CSMD1: variants seen among roughly 807,000 people sequenced by gnomAD.
The protein encoded by CSMD1 is CUB and Sushi multiple domains 1, also known as CUB and sushi domain-containing protein 1.
A neutral mutation model predicts 417.5 loss-of-function variants in CSMD1; 213 were observed. The observed-to-expected ratio is 0.51, with a 90% confidence interval of 0.46 to 0.57. CSMD1 has a LOEUF of 0.57. Ranked by LOEUF, CSMD1 falls within the 20% of genes least tolerant of loss-of-function variation. The pLI, the probability that CSMD1 is intolerant of heterozygous loss-of-function variation, is 0.00. For synonymous variants in CSMD1, 2,862 were observed against 1,736.8 expected (o/e 1.65, Z -16.11); for missense variants, 6,923 against 4,529.7 (o/e 1.53, Z -15.17).
intron 2 of CSMD1, among the ~76,000 whole-genome samples, chr8:4,490,312 T>G (rs928018728): frequency 2.6e-5 from 4 of 152,194 alleles, no homozygotes; most frequent in African/African-American, 9.7e-5. Flanking sequence ...AGTGCTGGGA[T>G]TACAGGCATG....
rs1814595431 is a variant in CSMD1 at position 3,087,208 on chromosome 8, C to T, written c.7363G>A (p.Val2455Met). 1 of 1,613,982 alleles carries T rather than the reference C, an allele frequency of 6.2e-7. No homozygotes were observed. The highest frequency in any genetic ancestry group is 8.5e-7 in the Non-Finnish European group (1 of 1,179,884). Residue 2455 changes from valine to methionine, a missense_variant, in exon 49 of 70, where the codon GTG (valine) becomes ATG (methionine). Val to Met is a conservative substitution (Grantham distance 21). Transcript: ENST00000635120. Reference sequence around the variant, plus strand: ...TATCCAGGCTTGCAAAAATAATGCACTTTGCTTCCAACCGCTCCTGCAGTC... The same window carrying T: ...TATCCAGGCTTGCAAAAATAATGCATTTTGCTTCCAACCGCTCCTGCAGTC... ...NRTAGAVGSK[V>M]HYFCKPGYRM... is the part of the protein sequence containing the mutation.
chr8:4,870,450 C>A (rs989769731), intron 1 of CSMD1, among the ~76,000 whole-genome samples: 1 of 152,138 alleles, frequency 6.6e-6, no homozygotes, highest in East Asian at 1.9e-4. Flanking sequence ...CTTGAATGCA[C>A]TGAAATGTAT....
chr8:4,844,315 C>T (rs1205571100), intron 1 of CSMD1, among the ~76,000 whole-genome samples: 2 of 152,044 alleles, frequency 1.3e-5, no homozygotes, highest in Admixed American at 1.3e-4. Flanking sequence ...GTAGATAGTG[C>T]CGTTATTGAT....
chr8:3,006,533 C>T (rs1255337017), intron 52 of CSMD1, among the ~76,000 whole-genome samples: 2 of 152,048 alleles, frequency 1.3e-5, no homozygotes, highest in Admixed American at 6.6e-5. Flanking sequence ...TACTACAAGG[C>T]TACAGTAACC....
intron 12 of CSMD1, among the ~76,000 whole-genome samples, chr8:3,413,073 G>C (rs139516116): frequency 6.6e-6 from 1 of 152,246 alleles, no homozygotes; most frequent in East Asian, 1.9e-4. Flanking sequence ...CACATTATGA[G>C]CTTCCTACTT....
intron 41 of CSMD1, among the ~76,000 whole-genome samples, chr8:3,141,935 C>T (rs952693299): frequency 5.9e-5 from 9 of 151,696 alleles, no homozygotes; most frequent in Admixed American, 2.6e-4. Flanking sequence ...GTAGCTGGGA[C>T]TACAGGCGCC....
At chr8:4,344,307 T>C (rs1445104052) in intron 3 of CSMD1, among the ~76,000 whole-genome samples, 5 of 152,132 alleles carry the variant, frequency 3.3e-5, no homozygotes, top group South Asian at 4.1e-4. Flanking sequence ...TAACAAAACA[T>C]TTCAGACGTG....
intron 50 of CSMD1, among the ~76,000 whole-genome samples, chr8:3,033,602 G>T (rs1382352135): frequency 6.6e-6 from 1 of 151,786 alleles, no homozygotes; most frequent in Non-Finnish European, 1.5e-5. Context: ...CCTGTCGGGA[G>T]GTAAGGGACA....
At chr8:4,059,571 G>C (rs9773675) in intron 3 of CSMD1, among the ~76,000 whole-genome samples, 16,177 of 125,614 alleles carry the variant, frequency 0.13, 785 homozygotes, top group Admixed American at 0.23. Flanking sequence ...AAAAAAGAGA[G>C]AAGAATCAAA....
At chr8:2,998,993 A>G (rs1807155479) in intron 53 of CSMD1, among the ~76,000 whole-genome samples, 1 of 152,226 alleles carries the variant, frequency 6.6e-6, no homozygotes, top group Admixed American at 6.5e-5. Flanking sequence ...ATAGGAAAAT[A>G]TACAATATTT....
At chr8:3,783,092 C>A (rs914837112) in intron 5 of CSMD1, among the ~76,000 whole-genome samples, 1 of 152,126 alleles carries the variant, frequency 6.6e-6, no homozygotes, top group South Asian at 2.1e-4. Flanking sequence ...ATCCCGTAAC[C>A]CCCAGCCTCC....
At chr8:2,981,318 G>T (rs952326828) in intron 54 of CSMD1, among the ~76,000 whole-genome samples, 1 of 152,204 alleles carries the variant, frequency 6.6e-6, no homozygotes, top group East Asian at 1.9e-4. Flanking sequence ...GGATCTGATG[G>T]AAAGAGGCTT....
At chr8:4,202,429 G>C (rs1476766084) in intron 3 of CSMD1, among the ~76,000 whole-genome samples, 12 of 152,118 alleles carry the variant, frequency 7.9e-5, no homozygotes, top group Admixed American at 6.5e-4. Flanking sequence ...AGAATGTAGA[G>C]GTCGTGGAAA....
At chr8:4,556,156 C>A (rs915175511) in intron 2 of CSMD1, among the ~76,000 whole-genome samples, 8 of 152,036 alleles carry the variant, frequency 5.3e-5, no homozygotes, top group African/African-American at 1.9e-4. Flanking sequence ...ATGCATAGAT[C>A]CAATTTTTGT....
At chr8:3,583,222 G>A (rs1800456406) in intron 9 of CSMD1, among the ~76,000 whole-genome samples, 1 of 151,890 alleles carries the variant, frequency 6.6e-6, no homozygotes, top group Non-Finnish European at 1.5e-5. Context: ...CTCCATCCTA[G>A]TGGATTTGCT....
chr8:3,649,527 G>C (rs112146877), intron 7 of CSMD1, among the ~76,000 whole-genome samples: 2 of 152,150 alleles, frequency 1.3e-5, no homozygotes, highest in Non-Finnish European at 2.9e-5. Flanking sequence ...GGGGAAGCAA[G>C]GCACCTTCTT....
At chr8:4,198,864 T>C (rs1231998225) in intron 3 of CSMD1, among the ~76,000 whole-genome samples, 2 of 152,140 alleles carry the variant, frequency 1.3e-5, no homozygotes, top group African/African-American at 4.8e-5. Context: ...CAATATCACG[T>C]ATTTCCCCTT....
intron 3 of CSMD1, among the ~76,000 whole-genome samples, chr8:4,341,008 T>G (rs1364119731): frequency 6.6e-6 from 1 of 152,072 alleles, no homozygotes; most frequent in Admixed American, 6.6e-5. Context: ...TCATCCTATT[T>G]TTTCAGAAAA....
chr8:4,530,657 C>T (rs775340941), intron 2 of CSMD1, among the ~76,000 whole-genome samples: 3 of 151,056 alleles, frequency 2.0e-5, no homozygotes, highest in Admixed American at 6.6e-5. Flanking sequence ...CATCCATGTC[C>T]CTGCAAAGGG....
Sources: gnomAD v4.1 joint callset for allele counts (sites outside exome capture counted in the v4.1 genomes callset) on GRCh38, gnomAD v4.1.1 for gene constraint, MANE v1.5 for transcripts, NCBI Gene and HGNC (gene_info 2026-07-23, HGNC 2026-07-21) for gene names.